Variants in POU6F2 observed in about 807,000 individuals in gnomAD.
POU6F2 encodes the protein POU domain, class 6, transcription factor 2.
A neutral mutation model predicts 71.3 loss-of-function variants in POU6F2; 31 were observed. That is an observed-to-expected ratio of 0.43 (90% CI 0.33 to 0.59). The LOEUF is 0.59. Ranked by LOEUF, POU6F2 falls within the 20% of genes least tolerant of loss-of-function variation. The pLI is 0.04. For synonymous variants in POU6F2, 347 were observed against 355.7 expected (o/e 0.98, Z 0.27); for missense variants, 783 against 856.8 (o/e 0.91, Z 1.07).
chr7:39,311,954 C>CAGA (rs370531642), intron 4 of POU6F2, among the ~76,000 whole-genome samples: 14 of 152,018 alleles, frequency 9.2e-5, no homozygotes, highest in African/African-American at 3.4e-4. Context: ...CATTATGAAC[C>CAGA]AGAATAACAT....
intron 1 of POU6F2, among the ~76,000 whole-genome samples, chr7:39,047,949 T>A (rs1790323670): frequency 6.6e-6 from 1 of 151,940 alleles, no homozygotes; most frequent in Non-Finnish European, 1.5e-5. Context: ...GCCTCTGTAT[T>A]CTCAGGGACA....
chr7:39,061,224 T>C (rs1168556823), intron 1 of POU6F2, among the ~76,000 whole-genome samples: 1 of 152,222 alleles, frequency 6.6e-6, no homozygotes, highest in Non-Finnish European at 1.5e-5. Context: ...TGTGGTCTTA[T>C]GTCTACTTCT....
At chr7:39,452,304 T>C (rs1007891948) in intron 8 of POU6F2, among the ~76,000 whole-genome samples, 1 of 152,300 alleles carries the variant, frequency 6.6e-6, no homozygotes, top group African/African-American at 2.4e-5. Flanking sequence ...CCTATATATA[T>C]GTATATATAG....
At chr7:39,325,952 G>A (rs1044641627) in intron 4 of POU6F2, among the ~76,000 whole-genome samples, 1 of 152,060 alleles carries the variant, frequency 6.6e-6, no homozygotes, top group Non-Finnish European at 1.5e-5. Context: ...TAGTGAATAT[G>A]GCTTATGGGT....
chr7:39,251,156 A>G (rs1042159667), intron 4 of POU6F2, among the ~76,000 whole-genome samples: 5 of 152,194 alleles, frequency 3.3e-5, no homozygotes, highest in African/African-American at 9.7e-5. Context: ...GAATCTCTCC[A>G]TTGCTCAGAA....
At chr7:39,369,971 C>A (rs1476714483) in intron 5 of POU6F2, among the ~76,000 whole-genome samples, 4 of 152,054 alleles carry the variant, frequency 2.6e-5, no homozygotes, top group Admixed American at 2.6e-4. Flanking sequence ...TGCCACCGCA[C>A]CCAGCCTAAA....
intron 2 of POU6F2, among the ~76,000 whole-genome samples, chr7:39,157,433 T>A (rs893677939): frequency 6.6e-6 from 1 of 152,132 alleles, no homozygotes; most frequent in African/African-American, 2.4e-5. Flanking sequence ...TTATTATCGA[T>A]TTTTTAAAAA....
intron 1 of POU6F2, among the ~76,000 whole-genome samples, chr7:39,015,010 G>A (rs1027816230): frequency 1.3e-5 from 2 of 151,810 alleles, no homozygotes; most frequent in Non-Finnish European, 2.9e-5. Context: ...CTTCCTCCTC[G>A]TGGTCTCCAT....
At chr7:39,108,278 A>AT (rs60224148) in intron 2 of POU6F2, among the ~76,000 whole-genome samples, 48,068 of 148,318 alleles carry the variant, frequency 0.32, 7,726 homozygotes, top group East Asian at 0.56. Flanking sequence ...CCCTTCAATT[A>AT]TTTTTTTTTT....
intron 1 of POU6F2, among the ~76,000 whole-genome samples, chr7:39,062,771 G>T (rs570100920): frequency 2.6e-5 from 4 of 151,380 alleles, no homozygotes; most frequent in South Asian, 2.1e-4. Context: ...ATACTGGGGG[G>T]CTGGGTTCAT....
chr7:39,063,646 G>A (rs1790701391), intron 1 of POU6F2, among the ~76,000 whole-genome samples: 3 of 152,072 alleles, frequency 2.0e-5, no homozygotes, highest in Admixed American at 1.3e-4. Context: ...GAATCCCTGA[G>A]AAATCAAGAT....
At chr7:39,282,886 A>G (rs1784584880) in intron 4 of POU6F2, among the ~76,000 whole-genome samples, 1 of 152,174 alleles carries the variant, frequency 6.6e-6, no homozygotes, top group African/African-American at 2.4e-5. Flanking sequence ...GAACATTTTA[A>G]TAATAATAAT....
Position 39,460,749 on chromosome 7 carries a change from GCCGC to G in POU6F2, c.1658+37_1658+40del. The G allele has an allele frequency of 6.6e-7, 1 of 1,522,530 alleles. No individual in the cohort carries two copies. The highest frequency in any genetic ancestry group is 8.8e-7 in the Non-Finnish European group (1 of 1,134,358). The allele number at this position is 1,522,530 out of a possible 1,614,324, so 94.3% of individuals were successfully genotyped here. ...CGCCTGCATGCTGTCACCTCTTCTA[GCCGC>G]CCTGGGCCTCATTTGTCCTCGCGGT... On this transcript the variant is annotated intron_variant, in intron 9 of 9. Coordinates refer to ENST00000518318, the MANE Select transcript of POU6F2 (RefSeq NM_001370959.1). The surrounding 1 kb of genome is among the most constrained non-coding windows in gnomAD (Gnocchi z 4.4).
chr7:39,036,683 A>G (rs141935979), intron 1 of POU6F2, among the ~76,000 whole-genome samples: 47 of 151,988 alleles, frequency 3.1e-4, no homozygotes, highest in African/African-American at 1.1e-3. Context: ...AAAAAATCTT[A>G]TGTCTTATAC....
At chr7:39,114,044 G>A (rs1477912421) in intron 2 of POU6F2, among the ~76,000 whole-genome samples, 1 of 152,062 alleles carries the variant, frequency 6.6e-6, no homozygotes, top group Non-Finnish European at 1.5e-5. Flanking sequence ...AGGATCCTAG[G>A]CTATACGGTT....
At chr7:39,201,696 A>T (rs1331119483) in intron 2 of POU6F2, among the ~76,000 whole-genome samples, 2 of 152,152 alleles carry the variant, frequency 1.3e-5, no homozygotes, top group African/African-American at 4.8e-5. Flanking sequence ...CACCCAACCC[A>T]TTCAAGTTTG....
At chr7:39,196,532 G>T (rs1793790247) in intron 2 of POU6F2, among the ~76,000 whole-genome samples, 1 of 152,158 alleles carries the variant, frequency 6.6e-6, no homozygotes, top group Admixed American at 6.5e-5. Flanking sequence ...TCTGAGGCAG[G>T]CAGATCACCT....
intron 5 of POU6F2, among the ~76,000 whole-genome samples, chr7:39,340,363 C>T (rs1294331775): frequency 2.0e-5 from 3 of 152,200 alleles, no homozygotes; most frequent in Non-Finnish European, 4.4e-5. Context: ...AAAATTATTA[C>T]TAGCACAGTT....
intron 2 of POU6F2, among the ~76,000 whole-genome samples, chr7:39,179,170 ATTGTC>A (rs1793386502): frequency 6.6e-6 from 1 of 152,132 alleles, no homozygotes; most frequent in African/African-American, 2.4e-5. Flanking sequence ...TATCAAGACG[ATTGTC>A]TTAAGTGCCG....
Sources: allele counts gnomAD v4.1 joint callset (sites outside exome capture counted in the v4.1 genomes callset), GRCh38; gene constraint gnomAD v4.1.1; non-coding constraint Gnocchi (gnomAD v3.1); transcripts MANE v1.5; gene names NCBI Gene and HGNC (gene_info 2026-07-23, HGNC 2026-07-21).